Variants in KAZN observed in about 807,000 individuals in gnomAD.
KAZN encodes the protein kazrin, periplakin interacting protein.
KAZN carries 40 observed loss-of-function variants against 87.4 expected under a neutral mutation model. That is an observed-to-expected ratio of 0.46 (90% CI 0.36 to 0.60). The LOEUF (loss-of-function observed/expected upper bound fraction) is 0.60. Among genes scored for constraint, KAZN ranks in the 20% least tolerant of loss-of-function variants. The pLI is 0.00. For missense variants in KAZN, 898 were observed against 1,073.9 expected (o/e 0.84, Z 2.29); for synonymous variants, 466 against 458.3 (o/e 1.02, Z -0.22).
At chr1:14,030,657 C>G (rs1641286105) in intron 1 of KAZN, among the ~76,000 whole-genome samples, 1 of 151,804 alleles carries the variant, frequency 6.6e-6, no homozygotes, top group African/African-American at 2.4e-5. Flanking sequence ...CACACACACA[C>G]ACACACACAC....
chr1:14,235,211 G>A (rs1192602680), intron 2 of KAZN, among the ~76,000 whole-genome samples: 1 of 152,118 alleles, frequency 6.6e-6, no homozygotes, highest in Non-Finnish European at 1.5e-5. Context: ...TAAACAAAAT[G>A]TGGTATAACC....
intron 1 of KAZN, among the ~76,000 whole-genome samples, chr1:14,903,372 T>C (rs1461953744): frequency 5.3e-5 from 8 of 152,206 alleles, no homozygotes; most frequent in Non-Finnish European, 1.2e-4. Context: ...AAGTGCCAAT[T>C]TCACTTTCGT....
rs191128253 is a variant in KAZN at position 14,371,094 on chromosome 1, G to A, written c.249+190502G>A. On this transcript the variant is annotated intron_variant, in intron 2 of 16. Transcript: ENST00000636203. ...GCCTCTAGCATAGTTGTTCTCCAAC[G>A]TTAGTGTGCATCAGAAACACCTGGA... Among the ~76,000 whole-genome samples, 84 of 152,232 alleles carry A rather than the reference G, an allele frequency of 5.5e-4. No individual in the cohort carries two copies. The East Asian group carries it at 7.7e-3, about 14-fold the overall frequency.
chr1:15,100,631 G>A (rs1160572800), intron 10 of KAZN, among the ~76,000 whole-genome samples: 2 of 152,212 alleles, frequency 1.3e-5, no homozygotes, highest in African/African-American at 4.8e-5. Context: ...CGCACCTGCT[G>A]TATACGTGGT....
At chr1:14,449,195 G>C (rs1667135344) in intron 2 of KAZN, among the ~76,000 whole-genome samples, 1 of 152,146 alleles carries the variant, frequency 6.6e-6, no homozygotes, top group Admixed American at 6.5e-5. Context: ...CAAGAACACA[G>C]ACCATGCCAT....
At chr1:15,080,873 A>G (rs2100629953) in intron 8 of KAZN, among the ~76,000 whole-genome samples, 1 of 152,028 alleles carries the variant, frequency 6.6e-6, no homozygotes, top group Non-Finnish European at 1.5e-5. Context: ...GAGCAGCTAC[A>G]CTCGGTGCTC....
intron 2 of KAZN, among the ~76,000 whole-genome samples, chr1:14,532,482 ATT>A (rs1672260830): frequency 1.6e-5 from 2 of 123,824 alleles, no homozygotes; most frequent in South Asian, 2.7e-4. Context: ...TATTATTATT[ATT>A]ATACTTTAAG....
chr1:14,048,454 AG>A (rs1642172072), intron 1 of KAZN, among the ~76,000 whole-genome samples: 1 of 147,820 alleles, frequency 6.8e-6, no homozygotes, highest in Non-Finnish European at 1.5e-5. Flanking sequence ...CCCAGGCTGG[AG>A]TGCAGTGGAG....
Position 14,533,873 on chromosome 1 carries a change from A to G in KAZN, c.250-65110A>G, listed in dbSNP as rs191315375. ...AATTCTTTGACCTGTCTGCTCACAT[A>G]CAAGAGTCAGGGTTATAGAAGGAAT... On this transcript the variant is annotated intron_variant, in intron 2 of 16. Coordinates refer to the KAZN transcript ENST00000636203. 2.1e-3 allele frequency among the ~76,000 whole-genome samples: 324 copies of G among 152,306 alleles called. 1 individual carries two copies. The highest frequency in any genetic ancestry group is 7.0e-3 in the African/African-American group (292 of 41,576).
At chr1:14,315,367 C>A (rs1402624457) in intron 2 of KAZN, among the ~76,000 whole-genome samples, 12 of 152,114 alleles carry the variant, frequency 7.9e-5, no homozygotes, top group Non-Finnish European at 7.4e-5. Flanking sequence ...CTAAAATCAA[C>A]TTTGCTCTTT....
chr1:13,893,365 A>AAGCC, exon 1 of KAZN: 1 of 262,600 alleles, frequency 3.8e-6, no homozygotes, highest in East Asian at 8.2e-5. Context: ...CCGGGTCAAG[A>AAGCC]AGCCACGACT....
At chr1:14,738,369 T>C (rs890877946) in intron 1 of KAZN, among the ~76,000 whole-genome samples, 1 of 152,044 alleles carries the variant, frequency 6.6e-6, no homozygotes, top group South Asian at 2.1e-4. Flanking sequence ...GTGGCGCAGA[T>C]GACACAGCAG....
rs570075882 is a variant in KAZN at position 13,894,584 on chromosome 1, C to T, written c.91+828C>T. On this transcript the variant is annotated intron_variant, in intron 1 of 16. Transcript: ENST00000636203. ...CAACCACACATTCCTCCAATGTTTTCCTGGGTGTTATAGGGTTAATTGTGG... is the reference window on the plus strand; with the variant it reads ...CAACCACACATTCCTCCAATGTTTTTCTGGGTGTTATAGGGTTAATTGTGG... 6.6e-5 allele frequency among the ~76,000 whole-genome samples: 10 copies of T among 152,252 alleles called. 1 individual carries two copies. The East Asian group carries it at 1.9e-3, about 29-fold the overall frequency.
chr1:14,336,005 CG>C (rs981249537), intron 2 of KAZN, among the ~76,000 whole-genome samples: 87 of 152,220 alleles, frequency 5.7e-4, no homozygotes, highest in African/African-American at 2.0e-3. Flanking sequence ...TCCCTCACCA[CG>C]GAAGTAGCAG....
intron 1 of KAZN, among the ~76,000 whole-genome samples, chr1:14,932,474 C>G (rs1018583264): frequency 1.3e-5 from 2 of 152,178 alleles, no homozygotes; most frequent in Non-Finnish European, 2.9e-5. Flanking sequence ...GGGGCCCTCC[C>G]CTGCATGGTA....
At chr1:14,121,202 T>A (rs1644744901) in intron 1 of KAZN, among the ~76,000 whole-genome samples, 1 of 151,924 alleles carries the variant, frequency 6.6e-6, no homozygotes, top group Non-Finnish European at 1.5e-5. Flanking sequence ...CATATATGAG[T>A]ATAGTATTAG....
intron 1 of KAZN, among the ~76,000 whole-genome samples, chr1:14,928,213 G>A (rs2101552338): frequency 6.6e-6 from 1 of 152,188 alleles, no homozygotes; most frequent in East Asian, 1.9e-4. Flanking sequence ...CACTTTGGGA[G>A]GCCGAGGCGG....
intron 1 of KAZN, among the ~76,000 whole-genome samples, chr1:14,116,217 A>T (rs938115056): frequency 6.6e-6 from 1 of 152,200 alleles, no homozygotes; most frequent in African/African-American, 2.4e-5. Context: ...CAATGGGGAA[A>T]TTGTCTCCAG....
At chr1:14,520,036 G>A (rs546665809) in intron 2 of KAZN, among the ~76,000 whole-genome samples, 7 of 152,272 alleles carry the variant, frequency 4.6e-5, no homozygotes, top group African/African-American at 9.6e-5. Context: ...GCAAGAAGAC[G>A]CCTTATAATT....
Sources: gnomAD v4.1 joint callset for allele counts (sites outside exome capture counted in the v4.1 genomes callset) on GRCh38, gnomAD v4.1.1 for gene constraint, MANE v1.5 for transcripts, NCBI Gene and HGNC (gene_info 2026-07-23, HGNC 2026-07-21) for gene names.